Variants in CAP2 observed in about 807,000 individuals in gnomAD.
CAP2 encodes cyclase associated actin cytoskeleton regulatory protein 2.
Under a neutral mutation model 57.7 loss-of-function variants are expected in CAP2, and 24 were observed. That is an observed-to-expected ratio of 0.42 (90% CI 0.30 to 0.58). The LOEUF (loss-of-function observed/expected upper bound fraction) is 0.58. Among genes scored for constraint, CAP2 ranks in the 20% least tolerant of loss-of-function variants. The probability of loss-of-function intolerance (pLI) is 0.22; values close to 1 mark genes in which losing one functional copy is unlikely to be tolerated. For synonymous variants in CAP2, 194 were observed against 207.2 expected (o/e 0.94, Z 0.55); for missense variants, 501 against 590.3 (o/e 0.85, Z 1.57).
At chr6:17,531,290 G>A in intron 7 of CAP2, 1 of 905,236 alleles carries the variant, frequency 1.1e-6, no homozygotes. Flanking sequence ...TTCTGTTGAA[G>A]ATTTGACGAA....
At chr6:17,482,573 T>C (rs551151986) in intron 4 of CAP2, among the ~76,000 whole-genome samples, 133 of 144,946 alleles carry the variant, frequency 9.2e-4, no homozygotes, top group East Asian at 1.2e-3. Context: ...CTCCCTCAGA[T>C]GGCCCAAGGG....
chr6:17,466,241 T>G (rs1409987066), intron 4 of CAP2, among the ~76,000 whole-genome samples: 1 of 152,198 alleles, frequency 6.6e-6, no homozygotes, highest in African/African-American at 2.4e-5. Context: ...GGAAGAGAAT[T>G]AACTGCTGTA....
chr6:17,468,449 A>G (rs140141445), intron 4 of CAP2, among the ~76,000 whole-genome samples: 16 of 152,342 alleles, frequency 1.1e-4, no homozygotes, highest in African/African-American at 2.6e-4. Flanking sequence ...CTTCTAGTCT[A>G]TGCTGTGCTG....
At chr6:17,411,638 A>G (rs1186278512) in intron 1 of CAP2, among the ~76,000 whole-genome samples, 1 of 152,164 alleles carries the variant, frequency 6.6e-6, no homozygotes, top group Admixed American at 6.5e-5. Context: ...AAACTGGCAT[A>G]TTTGCCTTCT....
chr6:17,407,653 C>T (rs904075466), intron 1 of CAP2, among the ~76,000 whole-genome samples: 8 of 151,626 alleles, frequency 5.3e-5, no homozygotes, highest in African/African-American at 1.9e-4. Context: ...GTGATGCACG[C>T]CTGTAATCCC....
rs58011017 is a variant in CAP2, at chr6:17,474,185, C to G, written c.300+11112C>G. Reference sequence around the variant, plus strand: ...AATCAAGACAGAGGAAAAAAACAGTCTTTTTTTTTTTTTTTTTTTTTTTTT... The same window carrying G: ...AATCAAGACAGAGGAAAAAAACAGTGTTTTTTTTTTTTTTTTTTTTTTTTT... On this transcript the variant is annotated intron_variant, in intron 4 of 12. Coordinates refer to ENST00000229922, the MANE Select transcript of CAP2 (RefSeq NM_006366.3). Among the ~76,000 whole-genome samples, 789 of 93,102 alleles carry G rather than the reference C, an allele frequency of 8.5e-3. 5 individuals are homozygous for G. The highest frequency in any genetic ancestry group is 0.041 in the East Asian group (112 of 2,762). The allele number at this position is 93,102 out of a possible 152,430, so 61.1% of individuals were successfully genotyped here.
At chr6:17,453,549 A>G (rs1220355166) in intron 3 of CAP2, among the ~76,000 whole-genome samples, 1 of 152,206 alleles carries the variant, frequency 6.6e-6, no homozygotes, top group African/African-American at 2.4e-5. Context: ...AATCCTTATC[A>G]AACGGTTAAT....
intron 7 of CAP2, chr6:17,531,237 A>G (rs1360225587): frequency 2.5e-6 from 2 of 786,788 alleles, no homozygotes; most frequent in Non-Finnish European, 4.6e-6. Flanking sequence ...TGGCTCTACA[A>G]TCCTCAGCAT....
chr6:17,497,258 G>C (rs192015211), intron 4 of CAP2, among the ~76,000 whole-genome samples: 1 of 152,180 alleles, frequency 6.6e-6, no homozygotes, highest in African/African-American at 2.4e-5. Context: ...TTTAAGTAAA[G>C]CTCAAGTGAG....
intron 4 of CAP2, among the ~76,000 whole-genome samples, chr6:17,497,668 G>A (rs1465057366): frequency 6.6e-6 from 1 of 152,150 alleles, no homozygotes. Context: ...AACTCATGTT[G>A]TCAAGTTCCC....
intron 11 of CAP2, among the ~76,000 whole-genome samples, chr6:17,545,811 C>T (rs966515075): frequency 5.9e-5 from 9 of 151,900 alleles, no homozygotes; most frequent in African/African-American, 1.7e-4. Context: ...TTTGTCCTTG[C>T]GATAGTTTGC....
intron 4 of CAP2, among the ~76,000 whole-genome samples, chr6:17,486,248 G>A (rs1248702780): frequency 3.9e-5 from 6 of 152,188 alleles, no homozygotes; most frequent in African/African-American, 1.4e-4. Flanking sequence ...TAGAATTCAA[G>A]GAAGTTGTGA....
At chr6:17,538,149 A>G (rs948899413) in intron 7 of CAP2, among the ~76,000 whole-genome samples, 2 of 152,120 alleles carry the variant, frequency 1.3e-5, no homozygotes, top group African/African-American at 2.4e-5. Context: ...AAGTTCTGTG[A>G]AAATATCACA....
intron 4 of CAP2, among the ~76,000 whole-genome samples, chr6:17,506,779 C>A (rs1761996691): frequency 6.6e-6 from 1 of 152,148 alleles, no homozygotes; most frequent in Admixed American, 6.5e-5. Flanking sequence ...TACTAACCTT[C>A]CGGTCTTACC....
intron 9 of CAP2, among the ~76,000 whole-genome samples, chr6:17,542,085 C>T (rs1054046985): frequency 5.3e-5 from 8 of 152,142 alleles, no homozygotes; most frequent in Non-Finnish European, 1.2e-4. Flanking sequence ...ACCAATAGCT[C>T]CCTGTTTCTC....
At chr6:17,533,225 A>G (rs1427523226) in intron 7 of CAP2, among the ~76,000 whole-genome samples, 1 of 152,122 alleles carries the variant, frequency 6.6e-6, no homozygotes, top group Non-Finnish European at 1.5e-5. Flanking sequence ...TAAATAGAGT[A>G]TACTTATATA....
At chr6:17,515,385 T>C (rs1762253883) in intron 7 of CAP2, among the ~76,000 whole-genome samples, 2 of 152,008 alleles carry the variant, frequency 1.3e-5, no homozygotes, top group South Asian at 4.2e-4. Context: ...GTGTTCCCAC[T>C]TACAAGTGGA....
intron 7 of CAP2, among the ~76,000 whole-genome samples, chr6:17,519,880 A>G (rs561144485): frequency 6.6e-6 from 1 of 152,244 alleles, no homozygotes; most frequent in African/African-American, 2.4e-5. Flanking sequence ...GATAAAGGTC[A>G]TGTAAAGAAT....
At chr6:17,426,535 A>G in intron 2 of CAP2, 55 bp from the exon 3 acceptor site, 1 of 1,300,090 alleles carries the variant, frequency 7.7e-7, no homozygotes. Context: ...GTGCCCGGCT[A>G]GTCCCAGGTT....
Sources: allele counts gnomAD v4.1 joint callset (sites outside exome capture counted in the v4.1 genomes callset), GRCh38; gene constraint gnomAD v4.1.1; transcripts MANE v1.5; gene names NCBI Gene and HGNC (gene_info 2026-07-23, HGNC 2026-07-21).